The following MYO3A variants were observed in gnomAD, a reference collection of about 807,000 sequenced individuals.
MYO3A encodes myosin IIIA, also known as myosin-IIIa.
Under a neutral mutation model 192.7 loss-of-function variants are expected in MYO3A, and 180 were observed. That is an observed-to-expected ratio of 0.93 (90% CI 0.83 to 1.06). The LOEUF is 1.06. Ranked by LOEUF, MYO3A falls within the 50% of genes least tolerant of loss-of-function variation. The probability of loss-of-function intolerance (pLI) is 0.00; values close to 1 mark genes in which losing one functional copy is unlikely to be tolerated. For synonymous variants in MYO3A, 628 were observed against 645.3 expected (o/e 0.97, Z 0.41); for missense variants, 1,896 against 1,905.0 (o/e 1.00, Z 0.09).
intron 10 of MYO3A, among the ~76,000 whole-genome samples, chr10:26,039,265 G>A (rs1811123302): frequency 7.8e-6 from 1 of 127,972 alleles, no homozygotes. Context: ...TCTCCATGTT[G>A]GTCAGGCTAG....
At chr10:25,993,564 G>A (rs1272175156) in intron 4 of MYO3A, among the ~76,000 whole-genome samples, 1 of 152,084 alleles carries the variant, frequency 6.6e-6, no homozygotes, top group Admixed American at 6.6e-5. Flanking sequence ...GCTTTTGAAT[G>A]TGTTTGCTCT....
Position 26,168,799 on chromosome 10 carries a change from A to G in MYO3A, c.3199A>G (p.Arg1067Gly), listed in dbSNP as rs765816940. ...GCTTATTTTGATTCAAGCTTGTGTC[A>G]GAGCATTCTTGTGTTCAAGAAGATA... The part of the protein sequence containing the change: ...DKLILIQACV[R>G]AFLCSRRYQK... The change falls in exon 28 of 35, where the codon AGA (arginine) becomes GGA (glycine). Residue 1067 changes from arginine to glycine, a missense_variant. Transcript: ENST00000642920. 1 of 1,613,324 alleles carries G rather than the reference A, an allele frequency of 6.2e-7. No homozygotes were observed.
chr10:26,021,519 A>G lies in MYO3A; in HGVS notation c.602A>G (p.Gln201Arg), dbSNP rs764849683. 6.2e-7 allele frequency: 1 copy of G among 1,614,016 alleles called. No individual in the cohort carries two copies. Among genetic ancestry groups the G allele is most frequent in the Non-Finnish European group, 8.5e-7 (1 of 1,179,962 alleles). Reference sequence around the variant, plus strand: ...TTCTACTAGGTGATTGCATGTGAACAGCAATTGGATACCACTTATGACGCC... The same window carrying G: ...TTCTACTAGGTGATTGCATGTGAACGGCAATTGGATACCACTTATGACGCC... Reference protein sequence around the residue: ...WMAPEVIACEQQLDTTYDARC... With the variant: ...WMAPEVIACERQLDTTYDARC... The change falls in exon 8 of 35, where the codon CAG becomes CGG. Residue 201 changes from glutamine (Q) to arginine (R), a missense_variant. By Grantham distance (43) the Gln-to-Arg change is conservative. Coordinates refer to ENST00000642920, the MANE Select transcript of MYO3A (RefSeq NM_017433.5).
In MYO3A at chr10:26,107,491, A is replaced by C. The variant is rs576464642; in HGVS notation, c.1776+10809A>C. Among the ~76,000 whole-genome samples, 8 of 151,988 alleles carry C rather than the reference A, an allele frequency of 5.3e-5. No homozygotes were observed. In the East Asian group the frequency reaches 1.5e-3, roughly 29 times the overall value. ...AGTGAAACACCATCTCAAAAAAAAA[A>C]AAAAAAAAAGATTAGGGTAAAACTC... On this transcript the variant is annotated intron_variant, in intron 17 of 34. Transcript: ENST00000642920.
intron 30 of MYO3A, among the ~76,000 whole-genome samples, 187 bp downstream of exon 30, chr10:26,174,744 TG>T (rs1842232621): frequency 1.3e-5 from 2 of 152,310 alleles, no homozygotes; most frequent in East Asian, 3.9e-4. Flanking sequence ...CAATTTACCG[TG>T]GTAACAATAG....
At chr10:25,955,057 CT>C (rs1837454815) in intron 4 of MYO3A, 49 bp downstream of exon 4, 1 of 1,595,462 alleles carries the variant, frequency 6.3e-7, no homozygotes, top group African/African-American at 1.3e-5. Flanking sequence ...GAGTGTGGTT[CT>C]GAAATGACTT....
intron 32 of MYO3A, among the ~76,000 whole-genome samples, chr10:26,195,124 A>T (rs1236000276): frequency 6.6e-6 from 1 of 152,110 alleles, no homozygotes; most frequent in South Asian, 2.1e-4. Flanking sequence ...GCGATCACCA[A>T]TCTAGTTTTC....
At chr10:26,060,682 C>A (rs1189838011) in intron 10 of MYO3A, among the ~76,000 whole-genome samples, 55 of 152,048 alleles carry the variant, frequency 3.6e-4, no homozygotes, top group Non-Finnish European at 7.4e-5. Context: ...TGAAAATTAA[C>A]CAGAAAAATA....
chr10:26,081,534 G>A (rs937335034), intron 14 of MYO3A, among the ~76,000 whole-genome samples: 1 of 152,048 alleles, frequency 6.6e-6, no homozygotes, highest in Non-Finnish European at 1.5e-5. Flanking sequence ...CCTGCCTGTG[G>A]GGTCTGCACA....
intron 7 of MYO3A, among the ~76,000 whole-genome samples, chr10:26,017,349 T>G (rs564784399): frequency 6.6e-6 from 1 of 152,316 alleles, no homozygotes; most frequent in East Asian, 1.9e-4. Flanking sequence ...TAATAAATTC[T>G]TTACATCATT....
intron 25 of MYO3A, among the ~76,000 whole-genome samples, chr10:26,157,081 A>G (rs1288202150): frequency 1.3e-5 from 2 of 152,226 alleles, no homozygotes; most frequent in Non-Finnish European, 2.9e-5. Context: ...TTTAATAGCT[A>G]AATTTCTAGT....
chr10:26,017,963 G>A (rs934421364), intron 7 of MYO3A, among the ~76,000 whole-genome samples: 5 of 149,222 alleles, frequency 3.4e-5, no homozygotes, highest in Non-Finnish European at 7.4e-5. Flanking sequence ...ACCAAATATT[G>A]CATTTTGTTT....
At chr10:26,089,885 G>C (rs894385383) in intron 15 of MYO3A, among the ~76,000 whole-genome samples, 2 of 152,162 alleles carry the variant, frequency 1.3e-5, no homozygotes, top group Non-Finnish European at 2.9e-5. Context: ...AACCCCATAA[G>C]TTTAAGCCAT....
intron 6 of MYO3A, among the ~76,000 whole-genome samples, chr10:26,002,993 G>A (rs1371752461): frequency 6.6e-6 from 1 of 152,116 alleles, no homozygotes; most frequent in African/African-American, 2.4e-5. Flanking sequence ...ACCAGGTACA[G>A]TGCTAACATT....
chr10:26,049,129 A>T (rs947556642), intron 10 of MYO3A, among the ~76,000 whole-genome samples: 3 of 152,326 alleles, frequency 2.0e-5, no homozygotes, highest in Non-Finnish European at 2.9e-5. Flanking sequence ...AGAGTTATTT[A>T]ATGACCTTGA....
intron 3 of MYO3A, among the ~76,000 whole-genome samples, chr10:25,954,480 A>C (rs1393475635): frequency 6.6e-6 from 1 of 152,118 alleles, no homozygotes; most frequent in African/African-American, 2.4e-5. Context: ...TTTTCCAAAG[A>C]AACAAAATGA....
chr10:26,115,812 T>C (rs1202542623), intron 17 of MYO3A, among the ~76,000 whole-genome samples: 2 of 152,208 alleles, frequency 1.3e-5, no homozygotes, highest in African/African-American at 4.8e-5. Context: ...TTAAACTTAC[T>C]AGTGCATAAG....
chr10:26,065,599 A>C (rs1834777159), intron 10 of MYO3A, among the ~76,000 whole-genome samples: 1 of 122,910 alleles, frequency 8.1e-6, no homozygotes. Flanking sequence ...AAAAAAAAAA[A>C]AAAAAAAAAA....
At chr10:26,096,184 T>G (rs1837019539) in intron 15 of MYO3A, among the ~76,000 whole-genome samples, 197 bp from the exon 16 acceptor site, 1 of 152,204 alleles carries the variant, frequency 6.6e-6, no homozygotes, top group Non-Finnish European at 1.5e-5. Context: ...ATGAAGTGAT[T>G]AAGATAATTT....
Sources: allele counts gnomAD v4.1 joint callset (sites outside exome capture counted in the v4.1 genomes callset), GRCh38; gene constraint gnomAD v4.1.1; transcripts MANE v1.5; gene names NCBI Gene and HGNC (gene_info 2026-07-23, HGNC 2026-07-21).